ARHGAP32: variants seen among roughly 807,000 people sequenced by gnomAD.
ARHGAP32 encodes rho GTPase-activating protein 32.
ARHGAP32 carries 51 observed loss-of-function variants against 186.5 expected under a neutral mutation model. The ratio of observed to expected loss-of-function variants is 0.27; its 90% CI spans 0.22 to 0.35. The LOEUF is 0.35. ARHGAP32 is among the 10% of genes least tolerant of loss of function. The probability of loss-of-function intolerance (pLI) is 1.00; values close to 1 mark genes in which losing one functional copy is unlikely to be tolerated. For missense variants in ARHGAP32, 2,186 were observed against 2,623.5 expected, an observed-to-expected ratio of 0.83 and a Z score of 3.64; for synonymous variants, 950 against 964.3, an observed-to-expected ratio of 0.99 and a Z score of 0.27.
At chr11:129,250,297 T>C (rs1239512536) in intron 1 of ARHGAP32, among the ~76,000 whole-genome samples, 1 of 152,206 alleles carries the variant, frequency 6.6e-6, no homozygotes, top group Non-Finnish European at 1.5e-5. Flanking sequence ...TTAAGAGGAA[T>C]GTAATCACTA....
At chr11:129,134,952 T>C (rs1412738964) in intron 2 of ARHGAP32, among the ~76,000 whole-genome samples, 1 of 152,224 alleles carries the variant, frequency 6.6e-6, no homozygotes, top group Non-Finnish European at 1.5e-5. Context: ...TTCTATTGTT[T>C]ATAAATTACC....
At position 129,205,211 on chromosome 11, in the gene ARHGAP32, T is replaced by C. The variant is rs182134682; in HGVS notation, c.-4-40784A>G. ...ATATTATCATCTCTGGGGCTTTTTA[T>C]GTTATATTTTCAAAATGAACAATGA... is the stretch of plus-strand genomic sequence containing the variant. On this transcript the variant is annotated intron_variant, in intron 1 of 6. Coordinates refer to the ARHGAP32 transcript ENST00000525234. Among the ~76,000 whole-genome samples the C allele has an allele frequency of 4.4e-3, 668 of 152,302 alleles. 3 individuals are homozygous for C. Among genetic ancestry groups the C allele is most frequent in the Non-Finnish European group, 7.2e-3 (488 of 67,996 alleles).
chr11:129,074,130 G>A (rs1305410728), intron 6 of ARHGAP32, among the ~76,000 whole-genome samples: 1 of 152,150 alleles, frequency 6.6e-6, no homozygotes, highest in African/African-American at 2.4e-5. Flanking sequence ...TCAGAAACCT[G>A]TAGCTACATA....
intron 6 of ARHGAP32, among the ~76,000 whole-genome samples, chr11:129,074,025 C>T (rs145902292): frequency 0.013 from 2,045 of 152,166 alleles, 25 homozygotes; most frequent in Admixed American, 0.02. Flanking sequence ...AGAAATAAAG[C>T]TTGTCAAACA....
chr11:129,033,329 G>T (rs1456664088), intron 11 of ARHGAP32, among the ~76,000 whole-genome samples: 1 of 152,164 alleles, frequency 6.6e-6, no homozygotes, highest in Non-Finnish European at 1.5e-5. Flanking sequence ...AACTTCAATA[G>T]ATAATGCCAA....
Position 128,972,657 on chromosome 11 carries a change from T to G in ARHGAP32, c.3849A>C (p.Ala1283=). ...CTTCCTTGGTGCTCATTTGGGCTGT[T>G]GCTGGAGTAGTTGTCATGTAAGTCA... The part of the protein sequence containing the change: ...ATMTYMTTTP[A]TAQMSTKEAS... The change falls in exon 22 of 23, where the codon GCA becomes GCC. Residue 1283 remains alanine (A), a synonymous_variant. Transcript: ENST00000682385. 1 of 1,613,920 alleles carries G rather than the reference T, an allele frequency of 6.2e-7. No homozygotes were observed. Among genetic ancestry groups the G allele is most frequent in the East Asian group, 2.2e-5 (1 of 44,870 alleles).
chr11:129,186,866 A>G (rs1473928033), intron 1 of ARHGAP32, among the ~76,000 whole-genome samples: 1 of 152,196 alleles, frequency 6.6e-6, no homozygotes, highest in Non-Finnish European at 1.5e-5. Context: ...GGCAATAACA[A>G]ATGCCGGCAA....
At position 129,111,461 on chromosome 11, in the gene ARHGAP32, T is replaced by C. The variant is rs567559926; in HGVS notation, c.444+11985A>G. 6.6e-5 allele frequency among the ~76,000 whole-genome samples: 10 copies of C among 152,298 alleles called. No individual in the cohort carries two copies. The South Asian group carries it at 2.1e-3, about 32-fold the overall frequency. On this transcript the variant is annotated intron_variant, in intron 5 of 22. Transcript: ENST00000682385. ...TCTCCTCTTCAATTCTTTGAAATAG[T>C]TTGAGGAGAGTGATGTTAGTTCTTT...
At chr11:129,254,962 A>G (rs1461495856) in intron 1 of ARHGAP32, among the ~76,000 whole-genome samples, 2 of 152,150 alleles carry the variant, frequency 1.3e-5, no homozygotes, top group African/African-American at 4.8e-5. Flanking sequence ...CTTGATGGCT[A>G]ACTGGATTAA....
At chr11:129,140,727 T>G (rs975993817) in intron 2 of ARHGAP32, among the ~76,000 whole-genome samples, 1 of 152,152 alleles carries the variant, frequency 6.6e-6, no homozygotes, top group African/African-American at 2.4e-5. Flanking sequence ...GCAGGTGAGA[T>G]AGGTAACTGG....
intron 11 of ARHGAP32, among the ~76,000 whole-genome samples, chr11:129,005,186 C>A (rs1937697269): frequency 6.6e-6 from 1 of 152,054 alleles, no homozygotes; most frequent in African/African-American, 2.4e-5. Flanking sequence ...CTGTTTTTAA[C>A]TTTTTGTTGT....
chr11:129,038,708 A>T lies in ARHGAP32; in HGVS notation c.1045+2220T>A, dbSNP rs75172157. 4.6e-5 allele frequency among the ~76,000 whole-genome samples: 7 copies of T among 151,854 alleles called. No individual in the cohort carries two copies. In the East Asian group the frequency reaches 1.3e-3, roughly 29 times the overall value. ...TTGAGACCAATCTGGGCAACAAAGCAAGACCTCATCTCTACAAAAAATTTA... is the reference window on the plus strand; with the variant it reads ...TTGAGACCAATCTGGGCAACAAAGCTAGACCTCATCTCTACAAAAAATTTA... On this transcript the variant is annotated intron_variant, in intron 11 of 22. Transcript: ENST00000682385.
In ARHGAP32 at chr11:129,154,307, T is replaced by C. The variant is rs939418142; in HGVS notation, c.225+10012A>G. Among the ~76,000 whole-genome samples the C allele has an allele frequency of 2.0e-5, 3 of 152,190 alleles. No individual in the cohort carries two copies. In the East Asian group the frequency reaches 5.8e-4, roughly 29 times the overall value. ...GGAATGTAAACTAGTACAACCGCTA[T>C]GGAAAATGGTATGGAGATTCCCTAA... is the stretch of plus-strand genomic sequence containing the variant. On this transcript the variant is annotated intron_variant, in intron 2 of 22. Transcript: ENST00000682385.
At chr11:129,016,468 A>C (rs1221462464) in intron 11 of ARHGAP32, among the ~76,000 whole-genome samples, 1 of 152,118 alleles carries the variant, frequency 6.6e-6, no homozygotes, top group Non-Finnish European at 1.5e-5. Flanking sequence ...ACTTTTTTCC[A>C]TATGTATAAT....
chr11:129,111,361 G>A (rs565896925), intron 5 of ARHGAP32, among the ~76,000 whole-genome samples: 36 of 152,264 alleles, frequency 2.4e-4, no homozygotes, highest in Non-Finnish European at 4.6e-4. Context: ...ATGTTTATCA[G>A]GGATATTGAT....
intron 1 of ARHGAP32, among the ~76,000 whole-genome samples, chr11:129,275,640 G>A (rs568840290): frequency 6.6e-6 from 1 of 152,218 alleles, no homozygotes; most frequent in East Asian, 1.9e-4. Context: ...TTGAGGCTCT[G>A]CAGGCCGAGC....
At position 128,973,323 on chromosome 11, in the gene ARHGAP32, T is replaced by C. The variant is rs781028622; in HGVS notation, c.3183A>G (p.Leu1061=). The C allele has an allele frequency of 3.1e-6, 5 of 1,614,156 alleles. No individual in the cohort carries two copies. The highest frequency in any genetic ancestry group is 4.2e-6 in the Non-Finnish European group (5 of 1,180,022). ...TTGAGGCTTGCTGTGCGGACTCAGC[T>C]AATGCTAGCGCCAACATTCGGGCAA... ...KNVARMLALA[L]AESAQQASTQ... Residue 1061 remains leucine, a synonymous_variant, in exon 22 of 23, where the codon TTA becomes TTG. Coordinates refer to ENST00000682385, the MANE Select transcript of ARHGAP32 (RefSeq NM_001378024.1).
chr11:129,083,693 C>T (rs1055319225), intron 6 of ARHGAP32, among the ~76,000 whole-genome samples: 4 of 152,006 alleles, frequency 2.6e-5, no homozygotes, highest in East Asian at 1.9e-4. Context: ...CAAACACCAC[C>T]GCTTCCCCAA....
intron 2 of ARHGAP32, among the ~76,000 whole-genome samples, chr11:129,147,413 A>G (rs1437422814): frequency 1.3e-5 from 2 of 152,150 alleles, no homozygotes; most frequent in Non-Finnish European, 2.9e-5. Flanking sequence ...TTTACTGAAG[A>G]TTTAAAAATT....
Sources: allele counts gnomAD v4.1 joint callset (sites outside exome capture counted in the v4.1 genomes callset), GRCh38; gene constraint gnomAD v4.1.1; transcripts MANE v1.5; gene names NCBI Gene and HGNC (gene_info 2026-07-23, HGNC 2026-07-21).